IQCM: variants seen among roughly 807,000 people sequenced by gnomAD.
IQCM encodes the protein IQ domain-containing protein M.
IQCM carries 45 observed loss-of-function variants against 57.6 expected under a neutral mutation model. The ratio of observed to expected loss-of-function variants is 0.78; its 90% CI spans 0.62 to 1.00. The LOEUF (loss-of-function observed/expected upper bound fraction) is 1.00. IQCM is among the 50% of genes least tolerant of loss of function. IQCM has a pLI of 0.00. For synonymous variants in IQCM, 148 were observed against 158.9 expected, an observed-to-expected ratio of 0.93 and a Z score of 0.51; for missense variants, 468 against 511.6, an observed-to-expected ratio of 0.91 and a Z score of 0.82.
At chr4:149,565,779 G>T (rs1467863135) in intron 9 of IQCM, among the ~76,000 whole-genome samples, 1 of 152,000 alleles carries the variant, frequency 6.6e-6, no homozygotes, top group Non-Finnish European at 1.5e-5. Context: ...AGTTCTCTTT[G>T]TGTCTATGTG....
chr4:149,586,549 G>A (rs1478396087), intron 9 of IQCM, among the ~76,000 whole-genome samples: 1 of 151,330 alleles, frequency 6.6e-6, no homozygotes, highest in South Asian at 2.1e-4. Flanking sequence ...TCTTTTCAAA[G>A]ATTAATGTGC....
At chr4:149,707,474 T>G (rs1428477954) in intron 5 of IQCM, among the ~76,000 whole-genome samples, 1 of 151,974 alleles carries the variant, frequency 6.6e-6, no homozygotes, top group Non-Finnish European at 1.5e-5. Flanking sequence ...AATGTGAGGC[T>G]CTGGACACTC....
rs1491147206 is a variant in IQCM at position 149,497,746 on chromosome 4, TTA to T, written c.1228+50707_1228+50708del. ...AGTAATGTTGAAATTGTATTTCACT[TTA>T]AAAAAAAAAAAAAAGGAAGAAAAAA... On this transcript the variant is annotated intron_variant, in intron 12 of 13. Coordinates refer to ENST00000636793, the MANE Select transcript of IQCM (RefSeq NM_001363507.2). Among the ~76,000 whole-genome samples, 261 of 62,710 alleles carry T rather than the reference TTA, an allele frequency of 4.2e-3. 1 individual carries two copies. The highest frequency in any genetic ancestry group is 0.02 in the East Asian group (27 of 1,384). 41.1% of individuals were successfully genotyped at this position (62,710 alleles called of 152,430 possible).
At chr4:149,493,828 A>T (rs938106006) in intron 12 of IQCM, among the ~76,000 whole-genome samples, 1 of 152,008 alleles carries the variant, frequency 6.6e-6, no homozygotes, top group Non-Finnish European at 1.5e-5. Context: ...GGAGAAAAAA[A>T]AAATAGGTGG....
At chr4:149,547,551 C>A (rs1053846675) in intron 12 of IQCM, among the ~76,000 whole-genome samples, 1 of 152,062 alleles carries the variant, frequency 6.6e-6, no homozygotes. Flanking sequence ...GTTTGAAAGA[C>A]AAATAAGTTC....
intron 2 of IQCM, among the ~76,000 whole-genome samples, chr4:149,811,343 A>G (rs1774551698): frequency 6.6e-6 from 1 of 152,184 alleles, no homozygotes; most frequent in Non-Finnish European, 1.5e-5. Flanking sequence ...ATCCATAACC[A>G]TGTTTAATGA....
At chr4:149,528,519 A>T (rs963938059) in intron 12 of IQCM, among the ~76,000 whole-genome samples, 1 of 152,238 alleles carries the variant, frequency 6.6e-6, no homozygotes, top group Non-Finnish European at 1.5e-5. Context: ...TTCTGAAAAG[A>T]TGAGGTAAAA....
chr4:149,759,213 A>G (rs1284025178), intron 2 of IQCM, among the ~76,000 whole-genome samples: 2 of 152,248 alleles, frequency 1.3e-5, no homozygotes, highest in Non-Finnish European at 2.9e-5. Context: ...TGGAAAAAGC[A>G]TAACTATTCA....
At chr4:149,731,036 G>A (rs1233875308) in intron 5 of IQCM, among the ~76,000 whole-genome samples, 1 of 152,086 alleles carries the variant, frequency 6.6e-6, no homozygotes, top group Non-Finnish European at 1.5e-5. Flanking sequence ...CCACATGTGT[G>A]TCTACTTAAC....
chr4:149,564,880 A>G (rs1375903869), intron 9 of IQCM, among the ~76,000 whole-genome samples: 1 of 152,126 alleles, frequency 6.6e-6, no homozygotes, highest in East Asian at 1.9e-4. Context: ...CCTAGCAGCA[A>G]TTAATAACAT....
chr4:149,730,280 C>T (rs914385385), intron 5 of IQCM, among the ~76,000 whole-genome samples: 16 of 152,192 alleles, frequency 1.1e-4, no homozygotes, highest in Non-Finnish European at 1.8e-4. Flanking sequence ...ACACTATCCC[C>T]AGTGTTACTA....
chr4:149,682,807 G>T (rs939562258), intron 6 of IQCM, among the ~76,000 whole-genome samples: 2 of 150,932 alleles, frequency 1.3e-5, no homozygotes, highest in Non-Finnish European at 3.0e-5. Flanking sequence ...GATGCTCATT[G>T]TATAAATGAA....
chr4:149,558,052 G>A (rs1749757781), intron 10 of IQCM, among the ~76,000 whole-genome samples: 1 of 152,174 alleles, frequency 6.6e-6, no homozygotes, highest in Non-Finnish European at 1.5e-5. Context: ...TGCCTTTCAA[G>A]TTCCTTGATC....
chr4:149,613,696 T>C (rs1217421631), intron 8 of IQCM, among the ~76,000 whole-genome samples: 1 of 152,070 alleles, frequency 6.6e-6, no homozygotes, highest in East Asian at 1.9e-4. Context: ...ATTAGGTATA[T>C]CTCCTAATGC....
At chr4:149,504,991 T>A (rs927582380) in intron 12 of IQCM, among the ~76,000 whole-genome samples, 1 of 152,078 alleles carries the variant, frequency 6.6e-6, no homozygotes, top group African/African-American at 2.4e-5. Context: ...ACATCAAGTC[T>A]GCTGGCAGCT....
At chr4:149,664,662 C>G (rs1443200770) in intron 7 of IQCM, among the ~76,000 whole-genome samples, 1 of 152,134 alleles carries the variant, frequency 6.6e-6, no homozygotes, top group Non-Finnish European at 1.5e-5. Flanking sequence ...GGCTGATTGT[C>G]AGGCCAAGCA....
At chr4:149,481,696 G>GTTTTGTTTTTTTTGTTTGTT (rs1553975367) in intron 12 of IQCM, among the ~76,000 whole-genome samples, 2 of 33,602 alleles carry the variant, frequency 6.0e-5, no homozygotes, top group Non-Finnish European at 1.0e-4. Context: ...GATTCTTCCA[G>GTTTTGTTTTTTTTGTTTGTT]TTTTGTTTTT....
intron 12 of IQCM, among the ~76,000 whole-genome samples, chr4:149,485,982 T>C (rs914284709): frequency 1.3e-5 from 2 of 151,400 alleles, no homozygotes; most frequent in Non-Finnish European, 2.9e-5. Context: ...CAGAGACTCT[T>C]GTTCACTTCC....
chr4:149,733,532 T>A lies in IQCM; in HGVS notation c.121-24A>T, dbSNP rs1766659316. 15 of 1,170,858 alleles carry A rather than the reference T, an allele frequency of 1.3e-5. No homozygotes were observed. In the South Asian group the frequency reaches 5.2e-4, roughly 41 times the overall value. The allele number at this position is 1,170,858 out of a possible 1,614,324, so 72.5% of individuals were successfully genotyped here. On this transcript the variant is annotated intron_variant, in intron 4 of 13. Coordinates refer to ENST00000636793, the MANE Select transcript of IQCM (RefSeq NM_001363507.2). ...TTCTATGAATAAAACAAAAATAGAT[T>A]TTGGCAAAATTTAATTTTAGTATGC...
Sources: gnomAD v4.1 joint callset for allele counts (sites outside exome capture counted in the v4.1 genomes callset) on GRCh38, gnomAD v4.1.1 for gene constraint, MANE v1.5 for transcripts, NCBI Gene and HGNC (gene_info 2026-07-23, HGNC 2026-07-21) for gene names.